Variants in TECRL observed in about 807,000 individuals in gnomAD.
The protein encoded by TECRL is trans-2,3-enoyl-CoA reductase like.
TECRL carries 63 observed loss-of-function variants against 52.8 expected under a neutral mutation model. That is an observed-to-expected ratio of 1.19 (90% CI 0.97 to 1.47). The LOEUF is 1.47. TECRL is among the 40% of genes most tolerant of loss of function. TECRL has a pLI of 0.00. For missense variants in TECRL, 482 were observed against 429.6 expected, an observed-to-expected ratio of 1.12 and a Z score of -1.08; for synonymous variants, 164 against 141.9, an observed-to-expected ratio of 1.16 and a Z score of -1.10.
intron 4 of TECRL, among the ~76,000 whole-genome samples, chr4:64,321,987 C>T (rs1560497936): frequency 6.6e-6 from 1 of 152,064 alleles, no homozygotes; most frequent in Non-Finnish European, 1.5e-5. Flanking sequence ...AATAACAAAG[C>T]ATAGGTGGAG....
chr4:64,347,529 C>A (rs1720074614), intron 2 of TECRL, among the ~76,000 whole-genome samples: 1 of 152,184 alleles, frequency 6.6e-6, no homozygotes, highest in South Asian at 2.1e-4. Flanking sequence ...CGTTGACTCA[C>A]AGTTCTGCAT....
At chr4:64,370,311 A>G (rs955794589) in intron 2 of TECRL, among the ~76,000 whole-genome samples, 1 of 151,720 alleles carries the variant, frequency 6.6e-6, no homozygotes, top group Non-Finnish European at 1.5e-5. Flanking sequence ...TTTTAGAAAT[A>G]GATTCTCCAA....
chr4:64,290,867 A>T (rs540969814), intron 8 of TECRL, among the ~76,000 whole-genome samples: 1 of 152,278 alleles, frequency 6.6e-6, no homozygotes, highest in Non-Finnish European at 1.5e-5. Flanking sequence ...CAAATATATT[A>T]AATCTGTATT....
chr4:64,325,872 G>A (rs1053574096), intron 3 of TECRL, among the ~76,000 whole-genome samples: 1 of 151,988 alleles, frequency 6.6e-6, no homozygotes. Context: ...AAAATGACTT[G>A]ATAAAATCTA....
intron 2 of TECRL, among the ~76,000 whole-genome samples, chr4:64,357,209 G>A (rs7656303): frequency 0.9 from 136,428 of 151,838 alleles, 61,938 homozygotes; most frequent in East Asian, 1. Context: ...TTCAAGATGT[G>A]AAAAACAGTA....
chr4:64,288,751 A>G (rs1723215111), intron 9 of TECRL, among the ~76,000 whole-genome samples: 1 of 152,106 alleles, frequency 6.6e-6, no homozygotes, highest in African/African-American at 2.4e-5. Flanking sequence ...TCCTAGCAAA[A>G]CCAGTATATT....
At chr4:64,392,131 G>A (rs1480900533) in intron 1 of TECRL, among the ~76,000 whole-genome samples, 1 of 151,766 alleles carries the variant, frequency 6.6e-6, no homozygotes, top group Non-Finnish European at 1.5e-5. Context: ...CTGCAACATT[G>A]ACTGTTTCTA....
chr4:64,318,585 G>A (rs1478191396), intron 4 of TECRL, among the ~76,000 whole-genome samples: 1 of 151,848 alleles, frequency 6.6e-6, no homozygotes, highest in African/African-American at 2.4e-5. Context: ...AACAAGAATT[G>A]TTTAGAAAAG....
chr4:64,380,595 G>T (rs1722716515), intron 1 of TECRL, among the ~76,000 whole-genome samples: 3 of 151,844 alleles, frequency 2.0e-5, no homozygotes, highest in South Asian at 2.1e-4. Flanking sequence ...TAAAAGATGG[G>T]GTCTAATCAC....
chr4:64,340,005 C>T (rs1208122446), intron 2 of TECRL, among the ~76,000 whole-genome samples: 9 of 152,142 alleles, frequency 5.9e-5, no homozygotes, highest in Non-Finnish European at 8.8e-5. Flanking sequence ...CCGTAAACCT[C>T]GTTTTACTCA....
intron 2 of TECRL, among the ~76,000 whole-genome samples, chr4:64,369,218 CTCTT>C (rs1721822580): frequency 6.6e-6 from 1 of 152,086 alleles, no homozygotes; most frequent in South Asian, 2.1e-4. Flanking sequence ...CATTCATTGA[CTCTT>C]TCAATTTATA....
chr4:64,386,900 A>AT (rs1723210494), intron 1 of TECRL, among the ~76,000 whole-genome samples: 1 of 152,220 alleles, frequency 6.6e-6, no homozygotes, highest in African/African-American at 2.4e-5. Flanking sequence ...AGTATGGTAC[A>AT]TTTTTTACAA....
intron 5 of TECRL, among the ~76,000 whole-genome samples, chr4:64,313,055 A>G (rs1717163849): frequency 6.6e-6 from 1 of 152,132 alleles, no homozygotes; most frequent in South Asian, 2.1e-4. Flanking sequence ...TTCTTTATAA[A>G]TTACTCAGTC....
rs574698017 is a variant in TECRL at position 64,345,740 on chromosome 4, C to T, written c.287-17184G>A. 6.9e-4 allele frequency among the ~76,000 whole-genome samples: 104 copies of T among 151,364 alleles called. 3 individuals carry two copies. Among genetic ancestry groups the T allele is most frequent in the Admixed American group, 2.8e-3 (43 of 15,170 alleles). Reference sequence around the variant, plus strand: ...AGTTAAAGGTTTTCTAAGTCACAAGCAGACCCCAGTTAAGGTCCTGTTGAA... The same window carrying T: ...AGTTAAAGGTTTTCTAAGTCACAAGTAGACCCCAGTTAAGGTCCTGTTGAA... On this transcript the variant is annotated intron_variant, in intron 2 of 11. Transcript: ENST00000381210.
chr4:64,375,287 G>T, intron 1 of TECRL, 64 bp from the exon 2 acceptor site: 1 of 894,406 alleles, frequency 1.1e-6, no homozygotes, highest in Non-Finnish European at 1.6e-6. Context: ...ATCCATTTAA[G>T]AAAAAAAAGT....
chr4:64,331,674 T>C (rs1718652833), intron 2 of TECRL, among the ~76,000 whole-genome samples: 1 of 152,080 alleles, frequency 6.6e-6, no homozygotes, highest in African/African-American at 2.4e-5. Context: ...CAGGATTTTT[T>C]GAGAAAAGAT....
chr4:64,364,111 C>A (rs1052783349), intron 2 of TECRL, among the ~76,000 whole-genome samples: 1 of 151,948 alleles, frequency 6.6e-6, no homozygotes, highest in African/African-American at 2.4e-5. Context: ...GAAGATCTCT[C>A]AGAGCCATAT....
At chr4:64,407,204 A>G (rs1372335164) in intron 1 of TECRL, among the ~76,000 whole-genome samples, 1 of 152,030 alleles carries the variant, frequency 6.6e-6, no homozygotes, top group African/African-American at 2.4e-5. Context: ...TGAGCTATCC[A>G]GTGTTAATCC....
At position 64,295,453 on chromosome 4, in the gene TECRL, A is replaced by G. The variant is rs550032429; in HGVS notation, c.774+4521T>C. On this transcript the variant is annotated intron_variant, in intron 8 of 11. Transcript: ENST00000381210. ...GGCTTAAAATTATTTCATCTCTACT[A>G]TGATGGTCCATTTCATTATCACAAC... 4.0e-5 allele frequency among the ~76,000 whole-genome samples: 6 copies of G among 151,622 alleles called. No homozygotes were observed. In the South Asian group the frequency reaches 1.0e-3, roughly 26 times the overall value.
Sources: allele counts gnomAD v4.1 joint callset (sites outside exome capture counted in the v4.1 genomes callset), GRCh38; gene constraint gnomAD v4.1.1; transcripts MANE v1.5; gene names NCBI Gene and HGNC (gene_info 2026-07-23, HGNC 2026-07-21).